FRMPD3: variants seen among roughly 807,000 people sequenced by gnomAD.
FRMPD3 encodes the protein FERM and PDZ domain-containing protein 3.
FRMPD3 carries 42 observed loss-of-function variants against 97.9 expected under a neutral mutation model. The ratio of observed to expected loss-of-function variants is 0.43; its 90% confidence interval spans 0.34 to 0.55. The LOEUF (loss-of-function observed/expected upper bound fraction) is 0.55. FRMPD3 is among the 20% of genes least tolerant of loss of function. The probability of loss-of-function intolerance (pLI) is 0.03; values close to 1 mark genes in which losing one functional copy is unlikely to be tolerated. For synonymous variants in FRMPD3, 577 were observed against 581.1 expected (o/e 0.99, Z 0.10); for missense variants, 1,303 against 1,457.7 (o/e 0.89, Z 1.73).
At chrX:107,533,964 T>C (rs1347036883) in intron 4 of FRMPD3, among the ~76,000 whole-genome samples, 1 of 112,380 alleles carries the variant, frequency 8.9e-6, no homozygotes, top group East Asian at 2.8e-4. Context: ...GCACCATATG[T>C]GAGAGAATTT....
At chrX:107,503,064 G>C (rs1921952786) in intron 1 of FRMPD3, among the ~76,000 whole-genome samples, 1 of 111,716 alleles carries the variant, frequency 9.0e-6, no homozygotes, top group African/African-American at 3.3e-5. Flanking sequence ...GGGAATGGGG[G>C]GGTTTCACAG....
At chrX:107,549,905 G>A in intron 5 of FRMPD3, 144 bp from the exon 6 acceptor site, 1 of 459,325 alleles carries the variant, frequency 2.2e-6, no homozygotes, top group Non-Finnish European at 3.9e-6. Context: ...TTATTGATCT[G>A]CTCTTTCCTC....
chrX:107,542,235 G>T (rs1471345623), intron 4 of FRMPD3, among the ~76,000 whole-genome samples: 1 of 112,468 alleles, frequency 8.9e-6, no homozygotes, highest in African/African-American at 3.2e-5. Context: ...AACACACAAA[G>T]GCATTTATCA....
In FRMPD3 at chrX:107,467,435, A is replaced by G. The variant is rs1298310788; in HGVS notation, c.-8+17430A>G. ...AAGAGACCTAAGCATAGGACTATAG[A>G]TAAGTAGTCCCTTGCTACTTATAGG... On this transcript the variant is annotated intron_variant, in intron 1 of 14. Coordinates refer to ENST00000683843, the MANE Select transcript of FRMPD3 (RefSeq NM_001388459.1). Among the ~76,000 whole-genome samples, 20 of 111,174 alleles carry G rather than the reference A, an allele frequency of 1.8e-4. 1 individual carries two copies. Among genetic ancestry groups the G allele is most frequent in the Admixed American group, 1.5e-3 (16 of 10,497 alleles).
intron 4 of FRMPD3, among the ~76,000 whole-genome samples, chrX:107,540,651 A>G (rs1045956389): frequency 7.1e-5 from 8 of 111,975 alleles, no homozygotes; most frequent in African/African-American, 2.3e-4. Context: ...GCCAAAATTC[A>G]TTTTAGCCAG....
At chrX:107,488,959 A>G (rs1269409245) in intron 1 of FRMPD3, among the ~76,000 whole-genome samples, 2 of 101,936 alleles carry the variant, frequency 2.0e-5, no homozygotes, top group Non-Finnish European at 4.0e-5. Context: ...AGCATTAGGT[A>G]TATCTCCTAA....
At chrX:107,456,584 C>T (rs183808887) in intron 1 of FRMPD3, among the ~76,000 whole-genome samples, 2 of 112,156 alleles carry the variant, frequency 1.8e-5, no homozygotes, top group South Asian at 3.7e-4. Flanking sequence ...ACAATAATGC[C>T]TTTGTATTAT....
chrX:107,535,765 C>T (rs1176476483), intron 4 of FRMPD3, among the ~76,000 whole-genome samples: 4 of 109,432 alleles, frequency 3.7e-5, no homozygotes, highest in African/African-American at 1.3e-4. Context: ...GTATATGATT[C>T]AATATGAATT....
intron 1 of FRMPD3, among the ~76,000 whole-genome samples, chrX:107,473,618 T>A (rs1289929087): frequency 3.6e-5 from 4 of 112,392 alleles, no homozygotes; most frequent in African/African-American, 1.3e-4. Context: ...CACTTCCACA[T>A]GGCAGAGCCA....
At chrX:107,572,901 ACT>A (rs1922950321) in intron 12 of FRMPD3, among the ~76,000 whole-genome samples, 1 of 103,367 alleles carries the variant, frequency 9.7e-6, no homozygotes, top group African/African-American at 3.6e-5. Context: ...TACTACTACT[ACT>A]ACTACTAATA....
chrX:107,595,274 A>G (rs1924112764), intron 13 of FRMPD3, among the ~76,000 whole-genome samples: 1 of 109,842 alleles, frequency 9.1e-6, no homozygotes, highest in African/African-American at 3.3e-5. Flanking sequence ...CCAAGATTGC[A>G]CCACTACACT....
At chrX:107,490,998 G>C (rs1921642853) in intron 1 of FRMPD3, among the ~76,000 whole-genome samples, 3 of 111,843 alleles carry the variant, frequency 2.7e-5, no homozygotes, top group South Asian at 3.8e-4. Flanking sequence ...CATCCTCACA[G>C]CGGTGAGGTA....
chrX:107,508,639 A>T (rs1246758246), intron 1 of FRMPD3, among the ~76,000 whole-genome samples: 2 of 110,832 alleles, frequency 1.8e-5, no homozygotes, highest in Non-Finnish European at 3.8e-5. Context: ...CATGAGACAG[A>T]GATTTGTCTT....
At position 107,597,667 on chromosome X, in the gene FRMPD3, C is replaced by T; in HGVS notation, c.1788C>T (p.Ser596=). The change falls in exon 14 of 15, where the codon TCC becomes TCT. Residue 596 remains serine (S), a synonymous_variant. Transcript: ENST00000683843. Reference sequence around the variant, plus strand: ...AGCCTTGTGCCAGCAGGGCCCGGTCCTACACCTTGGACAATTCCCTTGGGG... The same window carrying T: ...AGCCTTGTGCCAGCAGGGCCCGGTCTTACACCTTGGACAATTCCCTTGGGG... ...DHEPCASRAR[S]YTLDNSLGAE... is the part of the protein sequence containing the mutation. 8.3e-7 allele frequency: 1 copy of T among 1,210,874 alleles called. No individual in the cohort carries two copies. The highest frequency in any genetic ancestry group is 1.8e-5 in the South Asian group (1 of 56,991).
rs1921038227 is a variant in FRMPD3 at position 107,537,420 on chromosome X, T to A, written c.297+3870T>A. On this transcript the variant is annotated intron_variant, in intron 4 of 14. Transcript: ENST00000683843. ...GCCCTCACAGAGCTTACATTCTAGT[T>A]CTCAGTCTTGTGCTCTCTAAATCCT... Among the ~76,000 whole-genome samples, 2 of 111,900 alleles carry A rather than the reference T, an allele frequency of 1.8e-5. 1 individual carries two copies. The highest frequency in any genetic ancestry group is 1.9e-4 in the Admixed American group (2 of 10,478).
intron 1 of FRMPD3, among the ~76,000 whole-genome samples, chrX:107,464,166 TTCACTGCC>T (rs2036856960): frequency 9.0e-6 from 1 of 111,474 alleles, no homozygotes; most frequent in Admixed American, 9.5e-5. Flanking sequence ...CATCAAGGCA[TTCACTGCC>T]TCCCAAGGTA....
intron 1 of FRMPD3, among the ~76,000 whole-genome samples, chrX:107,505,080 C>T (rs1248275960): frequency 8.9e-6 from 1 of 112,242 alleles, no homozygotes; most frequent in African/African-American, 3.2e-5. Context: ...CAATTTGGGA[C>T]AGTCAGCCAG....
intron 1 of FRMPD3, among the ~76,000 whole-genome samples, chrX:107,460,444 G>T (rs1283730393): frequency 9.2e-6 from 1 of 108,404 alleles, no homozygotes. Context: ...AGGCTGGAAT[G>T]CAGTGGCACC....
intron 4 of FRMPD3, among the ~76,000 whole-genome samples, chrX:107,538,834 T>A (rs970496638): frequency 8.9e-6 from 1 of 112,240 alleles, no homozygotes; most frequent in Non-Finnish European, 1.9e-5. Context: ...AATTTTTGCA[T>A]TTTTAGTAGA....
Sources: gnomAD v4.1 joint callset for allele counts (sites outside exome capture counted in the v4.1 genomes callset) on GRCh38, gnomAD v4.1.1 for gene constraint, MANE v1.5 for transcripts, NCBI Gene and HGNC (gene_info 2026-07-23, HGNC 2026-07-21) for gene names.